C1GALT1: variants seen among roughly 807,000 people sequenced by gnomAD.
C1GALT1 encodes the protein glycoprotein-N-acetylgalactosamine 3-beta-galactosyltransferase 1.
C1GALT1 carries 11 observed loss-of-function variants against 31.0 expected under a neutral mutation model. The observed-to-expected ratio is 0.36, with a 90% CI of 0.22 to 0.59. The LOEUF (loss-of-function observed/expected upper bound fraction) is 0.59. Among genes scored for constraint, C1GALT1 ranks in the 20% least tolerant of loss-of-function variants. C1GALT1 has a pLI of 0.79. For synonymous variants in C1GALT1, 175 were observed against 143.6 expected (o/e 1.22, Z -1.56); for missense variants, 424 against 425.2 (o/e 1.00, Z 0.03).
intron 1 of C1GALT1, among the ~76,000 whole-genome samples, chr7:7,226,543 G>C (rs1782767794): frequency 6.6e-6 from 1 of 152,124 alleles, no homozygotes; most frequent in South Asian, 2.1e-4. Flanking sequence ...AGAGGTTAAA[G>C]GCTGTATCCT....
chr7:7,161,853 A>C (rs1463387739), intron 2 of C1GALT1, among the ~76,000 whole-genome samples: 2 of 152,106 alleles, frequency 1.3e-5, no homozygotes, highest in African/African-American at 4.8e-5. Context: ...GCAAGTGCAG[A>C]AGATTCTATT....
Position 7,201,165 on chromosome 7 carries a change from C to T in C1GALT1, c.-18+18345C>T, listed in dbSNP as rs368673566. On this transcript the variant is annotated intron_variant, in intron 1 of 3. Transcript: ENST00000436587. ...TACCTTTGGTCTTTGATGATGGTGA[C>T]GTACAAAATGGGATTTTGGTGTGGA... Among the ~76,000 whole-genome samples, 33 of 152,286 alleles carry T rather than the reference C, an allele frequency of 2.2e-4. No homozygotes were observed. The South Asian group carries it at 6.4e-3, about 30-fold the overall frequency.
At position 7,194,643 on chromosome 7, in the gene C1GALT1, G is replaced by C. The variant is rs1338040615; in HGVS notation, c.-18+11823G>C. 1.3e-5 allele frequency among the ~76,000 whole-genome samples: 2 copies of C among 149,714 alleles called. 1 individual carries two copies. Among genetic ancestry groups the C allele is most frequent in the South Asian group, 4.2e-4 (2 of 4,794 alleles). On this transcript the variant is annotated intron_variant, in intron 1 of 3. Coordinates refer to ENST00000436587, the MANE Select transcript of C1GALT1 (RefSeq NM_020156.5). ...TTGGCCTGTAGTTTTCTTTTTTTTT[G>C]TTATATTATTTACTGGTTTTAGTAT...
intron 1 of C1GALT1, among the ~76,000 whole-genome samples, chr7:7,224,029 C>G (rs1275639605): frequency 6.6e-6 from 1 of 151,782 alleles, no homozygotes; most frequent in Non-Finnish European, 1.5e-5. Flanking sequence ...GTGAATTTTC[C>G]TTTTTAGTTG....
chr7:7,233,289 A>G (rs984059446), intron 1 of C1GALT1, among the ~76,000 whole-genome samples: 1 of 151,834 alleles, frequency 6.6e-6, no homozygotes, highest in Non-Finnish European at 1.5e-5. Context: ...TTTCTGAGAT[A>G]GTTTCACTCT....
At chr7:7,189,401 A>G (rs1453461793) in intron 1 of C1GALT1, among the ~76,000 whole-genome samples, 1 of 152,184 alleles carries the variant, frequency 6.6e-6, no homozygotes. Flanking sequence ...ATACAGGACT[A>G]CCAGTTTTCT....
chr7:7,194,434 T>C (rs1382593094), intron 1 of C1GALT1, among the ~76,000 whole-genome samples: 1 of 152,192 alleles, frequency 6.6e-6, no homozygotes, highest in East Asian at 1.9e-4. Context: ...GAGATGATTA[T>C]GTGATTTTTG....
At position 7,243,787 on chromosome 7, in the gene C1GALT1, G is replaced by C. The variant is rs1298227682; in HGVS notation, c.*60G>C. ...AGCACTGCACTGAAAAAGGACTTCT[G>C]CATTTCTGACATAGAACACTGGAAT... On this transcript the variant is annotated 3_prime_UTR_variant, in exon 4 of 4. Transcript: ENST00000436587. The C allele has an allele frequency of 1.6e-6, 2 of 1,258,814 alleles. No homozygotes were observed. The highest frequency in any genetic ancestry group is 2.2e-6 in the Non-Finnish European group (2 of 915,018). 78.0% of individuals were successfully genotyped at this position (1,258,814 alleles called of 1,614,324 possible).
intron 1 of C1GALT1, among the ~76,000 whole-genome samples, chr7:7,217,070 A>G (rs2128240873): frequency 6.6e-6 from 1 of 152,318 alleles, no homozygotes; most frequent in South Asian, 2.1e-4. Flanking sequence ...TATAGGACAG[A>G]TTTAAAGTTG....
chr7:7,208,949 T>C (rs1437337037), intron 1 of C1GALT1, among the ~76,000 whole-genome samples: 1 of 152,220 alleles, frequency 6.6e-6, no homozygotes, highest in Non-Finnish European at 1.5e-5. Context: ...CAGTATACTT[T>C]GAGAGCTTCA....
chr7:7,232,574 C>G (rs977402514), intron 1 of C1GALT1, among the ~76,000 whole-genome samples: 12 of 151,466 alleles, frequency 7.9e-5, no homozygotes, highest in African/African-American at 2.9e-4. Flanking sequence ...TCCTGCAGTC[C>G]TGCCTCCCAG....
chr7:7,244,497 CTGTAAACATGTATT>C lies in C1GALT1; in HGVS notation c.*772_*785del, dbSNP rs896029739. 6.6e-6 allele frequency: 1 copy of C among 152,138 alleles called. No homozygotes were observed. Among genetic ancestry groups the C allele is most frequent in the African/African-American group, 2.4e-5 (1 of 41,440 alleles). 9.4% of individuals were successfully genotyped at this position (152,138 alleles called of 1,614,324 possible). A position where few individuals can be genotyped will look rare whatever the true frequency, so the allele number is the denominator to read the frequency against. ...ATTTACTCAAACCGTTCATAGCATTCTGTAAACATGTATTTTACATATTTGTTCCCAAATTTGCC... is the reference window on the plus strand; with the variant it reads ...ATTTACTCAAACCGTTCATAGCATTCTTACATATTTGTTCCCAAATTTGCC... On this transcript the variant is annotated 3_prime_UTR_variant, in exon 4 of 4. Transcript: ENST00000436587.
In C1GALT1 at chr7:7,242,210, C is replaced by CTT. The variant is rs79025784; in HGVS notation, c.889-1297_889-1296dup. Among the ~76,000 whole-genome samples, 144 of 132,300 alleles carry CTT rather than the reference C, an allele frequency of 1.1e-3. 1 individual carries two copies. The highest frequency in any genetic ancestry group is 2.8e-3 in the Admixed American group (38 of 13,434). The allele number at this position is 132,300 out of a possible 152,430, so 86.8% of individuals were successfully genotyped here. On this transcript the variant is annotated intron_variant, in intron 3 of 3. Transcript: ENST00000436587. ...TTCAGTTAAATAAAATGAAATTTCA[C>CTT]TTTTTTTTTTTTTTTTTTACATTTT... is the stretch of plus-strand genomic sequence containing the variant.
At chr7:7,198,066 C>T (rs1408223963) in intron 1 of C1GALT1, among the ~76,000 whole-genome samples, 1 of 152,180 alleles carries the variant, frequency 6.6e-6, no homozygotes, top group Admixed American at 6.5e-5. Flanking sequence ...GAACTTCCAA[C>T]ACTATGTTGA....
chr7:7,196,910 T>G (rs1032171031), intron 1 of C1GALT1, among the ~76,000 whole-genome samples: 6 of 152,242 alleles, frequency 3.9e-5, no homozygotes, highest in African/African-American at 1.2e-4. Context: ...TTGATGGGGT[T>G]GTTTGATTTT....
In C1GALT1 at chr7:7,174,587, G is replaced by GAA. The variant is rs142320914; in HGVS notation, c.-18+17171_-18+17172dup. ...TGAGAACTCATCTCTAGTTAAAAAA[G>GAA]AAAAAAAAAAAGTAGCTATACCATT... On this transcript the variant is annotated intron_variant, in intron 2 of 3. Transcript: ENST00000429911. Among the ~76,000 whole-genome samples the GAA allele has an allele frequency of 2.3e-3, 335 of 145,222 alleles. 3 individuals are homozygous for GAA. The highest frequency in any genetic ancestry group is 8.0e-3 in the African/African-American group (320 of 39,834).
At chr7:7,212,180 C>G (rs1365130181) in intron 1 of C1GALT1, among the ~76,000 whole-genome samples, 4 of 152,192 alleles carry the variant, frequency 2.6e-5, no homozygotes, top group African/African-American at 9.7e-5. Context: ...AGGTGATCCT[C>G]TCTTCTTGAG....
chr7:7,232,490 T>G (rs1783127543), intron 1 of C1GALT1, among the ~76,000 whole-genome samples: 1 of 96,548 alleles, frequency 1.0e-5, no homozygotes, highest in Non-Finnish European at 1.9e-5. Context: ...GTGGGTTTTT[T>G]TTTTTTGTTT....
intron 1 of C1GALT1, among the ~76,000 whole-genome samples, chr7:7,189,601 A>G (rs79006773): frequency 8.6e-4 from 131 of 152,032 alleles, no homozygotes; most frequent in Middle Eastern, 3.4e-3. Flanking sequence ...TTTATTATTT[A>G]TGATACTTTT....
Sources: gnomAD v4.1 joint callset for allele counts (sites outside exome capture counted in the v4.1 genomes callset) on GRCh38, gnomAD v4.1.1 for gene constraint, MANE v1.5 for transcripts, NCBI Gene and HGNC (gene_info 2026-07-23, HGNC 2026-07-21) for gene names.